Variants in MAPKAP1 observed in about 807,000 individuals in gnomAD.
MAPKAP1 encodes the protein MAPK associated protein 1, also known as target of rapamycin complex 2 subunit MAPKAP1.
Under a neutral mutation model 65.7 loss-of-function variants are expected in MAPKAP1, and 20 were observed. The observed-to-expected ratio is 0.30, with a 90% CI of 0.21 to 0.44. The LOEUF is 0.44. Ranked by LOEUF, MAPKAP1 falls within the 20% of genes least tolerant of loss-of-function variation. The pLI is 1.00. For missense variants in MAPKAP1, 423 were observed against 648.0 expected (o/e 0.65, Z 3.77); for synonymous variants, 222 against 244.3 (o/e 0.91, Z 0.85).
At chr9:125,671,411 A>G (rs1051359124) in intron 2 of MAPKAP1, among the ~76,000 whole-genome samples, 4 of 152,232 alleles carry the variant, frequency 2.6e-5, no homozygotes, top group African/African-American at 9.6e-5. Flanking sequence ...TTGGACCATG[A>G]AAATAAATAT....
chr9:125,678,617 T>C (rs1834727537), intron 1 of MAPKAP1, among the ~76,000 whole-genome samples: 2 of 152,192 alleles, frequency 1.3e-5, no homozygotes, highest in African/African-American at 4.8e-5. Context: ...ATTTACTAAG[T>C]TTCTACTAAG....
chr9:125,449,251 T>G (rs1441525060), intron 10 of MAPKAP1, among the ~76,000 whole-genome samples: 2 of 152,216 alleles, frequency 1.3e-5, no homozygotes, highest in African/African-American at 4.8e-5. Context: ...GCACTGTCCC[T>G]TCCAAGGTTT....
intron 1 of MAPKAP1, among the ~76,000 whole-genome samples, chr9:125,699,047 C>T (rs1434219371): frequency 6.6e-6 from 1 of 152,084 alleles, no homozygotes; most frequent in African/African-American, 2.4e-5. Context: ...ATCTAAAATG[C>T]TTGGGACCAG....
At chr9:125,699,057 G>A (rs1244065672) in intron 1 of MAPKAP1, among the ~76,000 whole-genome samples, 1 of 152,138 alleles carries the variant, frequency 6.6e-6, no homozygotes. Flanking sequence ...CTTGGGACCA[G>A]AAGTGTTTCA....
intron 8 of MAPKAP1, among the ~76,000 whole-genome samples, chr9:125,503,880 C>CTTTTTTTTTTTTTTTTTTTTTTTTT (rs35867576): frequency 6.0e-5 from 4 of 66,248 alleles, no homozygotes; most frequent in African/African-American, 1.6e-4. Context: ...CCACGCTTGG[C>CTTTTTTTTTTTTTTTTTTTTTTTTT]TTTTTTTTTT....
chr9:125,479,261 T>C (rs1854218711), intron 9 of MAPKAP1, among the ~76,000 whole-genome samples: 1 of 152,214 alleles, frequency 6.6e-6, no homozygotes, highest in South Asian at 2.1e-4. Flanking sequence ...ATATGTTTCA[T>C]TAATGGGGTT....
intron 7 of MAPKAP1, among the ~76,000 whole-genome samples, chr9:125,525,555 C>T (rs1467095795): frequency 6.6e-6 from 1 of 152,062 alleles, no homozygotes; most frequent in Non-Finnish European, 1.5e-5. Context: ...TGCCTGTAAT[C>T]CCAGCTACTT....
intron 4 of MAPKAP1, among the ~76,000 whole-genome samples, chr9:125,602,076 G>C (rs1313900298): frequency 1.3e-5 from 2 of 152,046 alleles, no homozygotes; most frequent in South Asian, 2.1e-4. Flanking sequence ...AATATAAAGA[G>C]ACCCCATCTC....
chr9:125,441,719 G>C (rs1172726346), intron 11 of MAPKAP1, among the ~76,000 whole-genome samples: 2 of 152,158 alleles, frequency 1.3e-5, no homozygotes, highest in Non-Finnish European at 2.9e-5. Context: ...TTTCTCCCAA[G>C]CTCCCGGACA....
At chr9:125,651,994 C>T (rs540686372) in intron 4 of MAPKAP1, 14 of 627,710 alleles carry the variant, frequency 2.2e-5, no homozygotes, top group Non-Finnish European at 2.1e-6. Flanking sequence ...GATCCAGAAG[C>T]AAACGTAGTT....
chr9:125,660,982 G>C (rs142646030), intron 3 of MAPKAP1, among the ~76,000 whole-genome samples: 1,720 of 151,970 alleles, frequency 0.011, 35 homozygotes, highest in African/African-American at 0.039. Flanking sequence ...TGATAAATTA[G>C]GAAAGAATAA....
intron 6 of MAPKAP1, among the ~76,000 whole-genome samples, chr9:125,545,513 T>C (rs1354107160): frequency 1.3e-5 from 2 of 152,196 alleles, no homozygotes; most frequent in Non-Finnish European, 2.9e-5. Context: ...CACAAACTAG[T>C]ACTGGCCTGG....
intron 7 of MAPKAP1, among the ~76,000 whole-genome samples, chr9:125,538,297 G>C (rs2133157107): frequency 6.6e-6 from 1 of 152,306 alleles, no homozygotes; most frequent in South Asian, 2.1e-4. Flanking sequence ...TAGGTGGAGA[G>C]TCATGGTGAC....
intron 4 of MAPKAP1, chr9:125,652,207 T>C (rs761855611): frequency 7.6e-7 from 1 of 1,316,494 alleles, no homozygotes; most frequent in Non-Finnish European, 1.0e-6. Flanking sequence ...TTAATGCCAA[T>C]GATTGTAGAA....
At chr9:125,660,584 C>T (rs7850420) in intron 3 of MAPKAP1, among the ~76,000 whole-genome samples, 4,427 of 152,238 alleles carry the variant, frequency 0.029, 104 homozygotes, top group African/African-American at 0.06. Context: ...CACCAGGCAC[C>T]TCAAGTGTTA....
intron 8 of MAPKAP1, among the ~76,000 whole-genome samples, chr9:125,491,318 C>CCGCTGTACTCCCAG (rs1256280321): frequency 1.3e-5 from 2 of 151,738 alleles, no homozygotes; most frequent in African/African-American, 4.8e-5. Flanking sequence ...GTGGCTCATG[C>CCGCTGTACTCCCAG]CTGTACTCCC....
At chr9:125,558,236 C>G (rs1195801943) in intron 6 of MAPKAP1, among the ~76,000 whole-genome samples, 1 of 152,172 alleles carries the variant, frequency 6.6e-6, no homozygotes, top group African/African-American at 2.4e-5. Context: ...AACATATACA[C>G]ACGATTATTA....
intron 10 of MAPKAP1, among the ~76,000 whole-genome samples, chr9:125,452,006 C>T (rs543956591): frequency 6.0e-5 from 9 of 149,828 alleles, no homozygotes; most frequent in Non-Finnish European, 1.0e-4. Context: ...GACGGGGTTT[C>T]GCCATGTTGG....
intron 5 of MAPKAP1, among the ~76,000 whole-genome samples, chr9:125,568,213 A>G (rs1831120563): frequency 6.6e-6 from 1 of 152,126 alleles, no homozygotes; most frequent in Admixed American, 6.5e-5. Flanking sequence ...CCTCTCGGTA[A>G]AGTCCTTGGA....
Sources: allele counts gnomAD v4.1 joint callset (sites outside exome capture counted in the v4.1 genomes callset), GRCh38; gene constraint gnomAD v4.1.1; transcripts MANE v1.5; gene names NCBI Gene and HGNC (gene_info 2026-07-23, HGNC 2026-07-21).